WWOX: variants seen among roughly 807,000 people sequenced by gnomAD.
WWOX encodes WW domain-containing oxidoreductase.
A neutral mutation model predicts 46.2 loss-of-function variants in WWOX; 69 were observed. That is an observed-to-expected ratio of 1.49 (90% CI 1.23 to 1.82). The LOEUF (loss-of-function observed/expected upper bound fraction) is 1.82, where lower values mean the gene tolerates loss of function less well. WWOX is among the 40% of genes most tolerant of loss of function. The pLI, the probability that WWOX is intolerant of heterozygous loss-of-function variation, is 0.00. For synonymous variants in WWOX, 359 were observed against 202.6 expected (o/e 1.77, Z -6.56); for missense variants, 919 against 542.6 (o/e 1.69, Z -6.89).
chr16:78,642,733 T>C (rs1408867875), intron 8 of WWOX, among the ~76,000 whole-genome samples: 1 of 152,144 alleles, frequency 6.6e-6, no homozygotes, highest in Non-Finnish European at 1.5e-5. Flanking sequence ...TGAGGCTGTG[T>C]GTGGGTGCAC....
chr16:78,665,025 T>G (rs895515574), intron 8 of WWOX, among the ~76,000 whole-genome samples: 2 of 152,202 alleles, frequency 1.3e-5, no homozygotes, highest in Admixed American at 6.5e-5. Context: ...GCTGCATTCA[T>G]CAGCCTGCAT....
chr16:79,207,491 A>C (rs370457719), intron 8 of WWOX, among the ~76,000 whole-genome samples: 1 of 152,196 alleles, frequency 6.6e-6, no homozygotes, highest in Admixed American at 6.5e-5. Context: ...TCATAACTCT[A>C]CTTTTTGCAT....
intron 5 of WWOX, among the ~76,000 whole-genome samples, chr16:78,341,067 A>G (rs2081004182): frequency 8.4e-6 from 1 of 118,756 alleles, no homozygotes; most frequent in Admixed American, 8.2e-5. Flanking sequence ...GCTCTCTGAT[A>G]GGAATTGTGT....
intron 8 of WWOX, among the ~76,000 whole-genome samples, chr16:79,090,717 G>A (rs373210242): frequency 1.3e-5 from 2 of 152,186 alleles, no homozygotes; most frequent in African/African-American, 2.4e-5. Context: ...GCACATGCTC[G>A]GCGGGGCCCA....
chr16:78,933,533 C>T (rs1381002759), intron 8 of WWOX, among the ~76,000 whole-genome samples: 3 of 152,190 alleles, frequency 2.0e-5, no homozygotes, highest in African/African-American at 4.8e-5. Flanking sequence ...GTCGGAGGAG[C>T]CAGTGTGAAC....
chr16:79,044,340 G>C (rs928960360), intron 8 of WWOX, among the ~76,000 whole-genome samples: 1 of 152,192 alleles, frequency 6.6e-6, no homozygotes, highest in African/African-American at 2.4e-5. Flanking sequence ...AATCTGCAGC[G>C]TTGGAGGTGG....
chr16:78,674,476 G>A (rs571606282), intron 8 of WWOX, among the ~76,000 whole-genome samples: 1 of 151,896 alleles, frequency 6.6e-6, no homozygotes, highest in Non-Finnish European at 1.5e-5. Flanking sequence ...GTAGAGATGG[G>A]GTTTCACCAT....
chr16:78,999,953 A>T (rs2047062118), intron 8 of WWOX, among the ~76,000 whole-genome samples: 2 of 152,156 alleles, frequency 1.3e-5, no homozygotes, highest in South Asian at 2.1e-4. Flanking sequence ...TTTCACCGGG[A>T]GCATTTTTTT....
intron 4 of WWOX, among the ~76,000 whole-genome samples, chr16:78,162,788 G>C (rs1333383581): frequency 1.3e-5 from 2 of 151,852 alleles, no homozygotes; most frequent in Non-Finnish European, 2.9e-5. Context: ...TTGTTTTATT[G>C]TGTTATTTTT....
At chr16:79,192,253 C>T (rs568135238) in intron 8 of WWOX, among the ~76,000 whole-genome samples, 3 of 152,272 alleles carry the variant, frequency 2.0e-5, no homozygotes, top group South Asian at 2.1e-4. Context: ...CTCCCTTTGG[C>T]GTGAAATGGG....
intron 8 of WWOX, among the ~76,000 whole-genome samples, chr16:78,779,552 C>G (rs1007873229): frequency 3.3e-5 from 5 of 152,274 alleles, no homozygotes; most frequent in Non-Finnish European, 5.9e-5. Flanking sequence ...GTGCTCAGCT[C>G]TTTGTACAGA....
At chr16:78,258,131 T>C (rs905944077) in intron 5 of WWOX, among the ~76,000 whole-genome samples, 6 of 152,184 alleles carry the variant, frequency 3.9e-5, no homozygotes, top group African/African-American at 1.4e-4. Context: ...TTCGGAGACA[T>C]GGCTCCATTA....
intron 8 of WWOX, among the ~76,000 whole-genome samples, chr16:79,022,344 C>CCAA (rs757335671): frequency 1.4e-5 from 1 of 71,218 alleles, no homozygotes; most frequent in African/African-American, 5.1e-5. Context: ...CAATCTGTGG[C>CCAA]AAAAAAAAAA....
chr16:78,362,973 C>T (rs1259378401), intron 5 of WWOX, among the ~76,000 whole-genome samples: 4 of 152,230 alleles, frequency 2.6e-5, no homozygotes, highest in Non-Finnish European at 5.9e-5. Context: ...GATTCCTTCC[C>T]CAGCATTAGG....
In WWOX at chr16:78,744,422, C is replaced by CTTT. The variant is rs976073233; in HGVS notation, c.1056+311695_1056+311697dup. Among the ~76,000 whole-genome samples the CTTT allele has an allele frequency of 3.4e-4, 28 of 82,234 alleles. 1 individual carries two copies. The highest frequency in any genetic ancestry group is 8.6e-4 in the African/African-American group (14 of 16,324). The allele number at this position is 82,234 out of a possible 152,430, so 53.9% of individuals were successfully genotyped here. A position where few individuals can be genotyped will look rare whatever the true frequency, so the allele number is the denominator to read the frequency against. ...TAGGAAGGGCCCATGGTCCACACTG[C>CTTT]TTTTTTTTTTTTTTTTTTTTTTTTT... On this transcript the variant is annotated intron_variant, in intron 8 of 8. Coordinates refer to ENST00000566780, the MANE Select transcript of WWOX (RefSeq NM_016373.4).
intron 6 of WWOX, among the ~76,000 whole-genome samples, chr16:78,414,987 A>T (rs2082766124): frequency 6.6e-6 from 1 of 151,854 alleles, no homozygotes; most frequent in Non-Finnish European, 1.5e-5. Context: ...AGAATAAAAG[A>T]ATGGCTACTC....
intron 5 of WWOX, among the ~76,000 whole-genome samples, chr16:78,363,640 T>C (rs978841475): frequency 2.0e-5 from 3 of 152,120 alleles, no homozygotes; most frequent in Non-Finnish European, 4.4e-5. Flanking sequence ...AGGTAAGATA[T>C]TCCCCTTTCT....
intron 4 of WWOX, among the ~76,000 whole-genome samples, chr16:78,133,007 T>A (rs1480386424): frequency 1.3e-5 from 2 of 152,174 alleles, no homozygotes; most frequent in Non-Finnish European, 2.9e-5. Flanking sequence ...TGTTTCTGGA[T>A]GGTATTTGGA....
chr16:78,770,918 G>A (rs1195595176), intron 8 of WWOX, among the ~76,000 whole-genome samples: 3 of 152,234 alleles, frequency 2.0e-5, no homozygotes, highest in Non-Finnish European at 4.4e-5. Context: ...AGGAGCGTAA[G>A]AATTATTATG....
Sources: gnomAD v4.1 joint callset for allele counts (sites outside exome capture counted in the v4.1 genomes callset) on GRCh38, gnomAD v4.1.1 for gene constraint, MANE v1.5 for transcripts, NCBI Gene and HGNC (gene_info 2026-07-23, HGNC 2026-07-21) for gene names.